Variants in PLCE1 observed in about 807,000 individuals in gnomAD.
PLCE1 encodes the protein phospholipase C epsilon 1.
In PLCE1, 119 loss-of-function variants were observed where a neutral mutation model predicts 242.8. The ratio of observed to expected loss-of-function variants is 0.49; its 90% confidence interval spans 0.42 to 0.57. The LOEUF is 0.57. PLCE1 is among the 20% of genes least tolerant of loss of function. The pLI is 0.00. For missense variants in PLCE1, 2,441 were observed against 2,788.8 expected, an observed-to-expected ratio of 0.88 and a Z score of 2.81; for synonymous variants, 945 against 1,017.4, an observed-to-expected ratio of 0.93 and a Z score of 1.35.
rs536818796 is a variant in PLCE1 at position 94,078,604 on chromosome 10, G to A, written c.1206+46352G>A. Among the ~76,000 whole-genome samples the A allele has an allele frequency of 2.0e-5, 3 of 152,080 alleles. No homozygotes were observed. The South Asian group carries it at 6.2e-4, about 32-fold the overall frequency. On this transcript the variant is annotated intron_variant, in intron 2 of 32. Transcript: ENST00000371380. Reference sequence around the variant, plus strand: ...CAGGTTCAAGCAATTCTCTGCCTCAGCCTCCCAAGTAGCTGGGATGACAGG... The same window carrying A: ...CAGGTTCAAGCAATTCTCTGCCTCAACCTCCCAAGTAGCTGGGATGACAGG...
At position 94,171,448 on chromosome 10, in the gene PLCE1, G is replaced by A; in HGVS notation, c.1761G>A (p.Gln587=). 1 of 1,614,192 alleles carries A rather than the reference G, an allele frequency of 6.2e-7. No homozygotes were observed. The highest frequency in any genetic ancestry group is 8.5e-7 in the Non-Finnish European group (1 of 1,180,016). Reference sequence around the variant, plus strand: ...TCTCAGCGTCGATTCTTACCACTCAGAATGGAGAGCACAATGCCCTTGAAG... The same window carrying A: ...TCTCAGCGTCGATTCTTACCACTCAAAATGGAGAGCACAATGCCCTTGAAG... ...ASISASILTT[Q]NGEHNALEDL... is the part of the protein sequence containing the mutation. Residue 587 remains glutamine, a synonymous_variant, in exon 4 of 33, where the codon CAG becomes CAA. Coordinates refer to ENST00000371380, the MANE Select transcript of PLCE1 (RefSeq NM_016341.4).
At chr10:94,273,413 AGG>A (rs1373150908) in intron 18 of PLCE1, 147 bp from the exon 19 acceptor site, 12 of 767,848 alleles carry the variant, frequency 1.6e-5, no homozygotes, top group Middle Eastern at 7.5e-4. Context: ...GGGCAGGAGC[AGG>A]GGACAGCTTC....
intron 4 of PLCE1, among the ~76,000 whole-genome samples, chr10:94,221,580 A>G (rs2049747604): frequency 6.6e-6 from 1 of 152,166 alleles, no homozygotes; most frequent in African/African-American, 2.4e-5. Flanking sequence ...TTCTAAAAAT[A>G]CAAAATTAGC....
intron 2 of PLCE1, among the ~76,000 whole-genome samples, chr10:94,077,834 AT>A (rs1163570799): frequency 6.6e-6 from 1 of 152,204 alleles, no homozygotes; most frequent in Non-Finnish European, 1.5e-5. Flanking sequence ...GCACTTTGAG[AT>A]TTTGTTTCTG....
chr10:94,220,443 A>G (rs947357984), intron 4 of PLCE1, among the ~76,000 whole-genome samples: 13 of 138,812 alleles, frequency 9.4e-5, no homozygotes, highest in Admixed American at 1.5e-4. Flanking sequence ...TAATAGAAAC[A>G]TGCTCTTTTA....
chr10:94,161,000 G>A (rs957717689), intron 3 of PLCE1, among the ~76,000 whole-genome samples: 1 of 152,118 alleles, frequency 6.6e-6, no homozygotes, highest in Admixed American at 6.6e-5. Context: ...TGCTGTTTTG[G>A]TTACTGTAGC....
chr10:94,267,312 G>C (rs1191497225), intron 16 of PLCE1, among the ~76,000 whole-genome samples: 2 of 152,108 alleles, frequency 1.3e-5, no homozygotes, highest in African/African-American at 4.8e-5. Flanking sequence ...TCATTCCTCT[G>C]TTTGACTTCA....
chr10:94,290,816 C>A lies in PLCE1; in HGVS notation c.5036-2692C>A, dbSNP rs2052619757. Among the ~76,000 whole-genome samples the A allele has an allele frequency of 2.0e-5, 3 of 151,942 alleles. No individual in the cohort carries two copies. The South Asian group carries it at 6.2e-4, about 32-fold the overall frequency. ...ACCAGTAACATATTTATTATTATTA[C>A]CAAGTATGTTCTGTACATAATTGTA... On this transcript the variant is annotated intron_variant, in intron 22 of 32. Transcript: ENST00000371380.
chr10:94,312,498 C>A (rs939541325), intron 27 of PLCE1, among the ~76,000 whole-genome samples: 1 of 152,234 alleles, frequency 6.6e-6, no homozygotes, highest in South Asian at 2.1e-4. Context: ...TTGTCTCATT[C>A]TTCATCTGCT....
intron 2 of PLCE1, among the ~76,000 whole-genome samples, chr10:94,075,157 C>G (rs557629878): frequency 6.6e-6 from 1 of 152,154 alleles, no homozygotes; most frequent in African/African-American, 2.4e-5. Context: ...ATTAGTTTCT[C>G]TCTCCTCTCG....
chr10:94,063,068 A>G (rs912051217), intron 2 of PLCE1, among the ~76,000 whole-genome samples: 1 of 151,604 alleles, frequency 6.6e-6, no homozygotes, highest in Non-Finnish European at 1.5e-5. Context: ...ATCCTTTCCC[A>G]CCTGGACTCC....
chr10:94,028,342 T>G (rs1217644786), intron 1 of PLCE1, among the ~76,000 whole-genome samples: 1 of 152,118 alleles, frequency 6.6e-6, no homozygotes, highest in Non-Finnish European at 1.5e-5. Flanking sequence ...CTCACATGGG[T>G]GTTGTCAAGA....
At chr10:94,212,411 T>C (rs1259038167) in intron 4 of PLCE1, among the ~76,000 whole-genome samples, 2 of 152,142 alleles carry the variant, frequency 1.3e-5, no homozygotes, top group Non-Finnish European at 2.9e-5. Context: ...CATCCACCAC[T>C]ACGCCCAGCT....
In PLCE1 at chr10:94,330,264, G is replaced by A. The variant is rs11187874; in HGVS notation, c.*2321G>A. ...TGAGACCAGGTTGTTTAGCAAGTGA[G>A]AGAATCCAGCCTACTGCCTAGGTTG... On this transcript the variant is annotated 3_prime_UTR_variant, in exon 33 of 33. Transcript: ENST00000371380. 6.6e-6 allele frequency: 1 copy of A among 152,386 alleles called. No individual in the cohort carries two copies. The highest frequency in any genetic ancestry group is 2.1e-4 in the South Asian group (1 of 4,834). 9.4% of individuals were successfully genotyped at this position (152,386 alleles called of 1,614,324 possible).
At chr10:94,314,002 AC>A (rs1473656550) in intron 28 of PLCE1, among the ~76,000 whole-genome samples, 1 of 151,940 alleles carries the variant, frequency 6.6e-6, no homozygotes, top group Non-Finnish European at 1.5e-5. Context: ...GAGACCTGTT[AC>A]CCCAAGCCCT....
intron 13 of PLCE1, among the ~76,000 whole-genome samples, chr10:94,259,516 C>A (rs2051221139): frequency 6.6e-6 from 1 of 152,162 alleles, no homozygotes. Flanking sequence ...GATCTCCTGA[C>A]CTCGTGATCT....
chr10:94,279,483 A>C (rs991359162), intron 19 of PLCE1: 1 of 425,324 alleles, frequency 2.4e-6, no homozygotes, highest in Non-Finnish European at 4.3e-6. Context: ...GGTTCTCCAA[A>C]TCACCAAAGC....
chr10:94,258,959 C>T (rs376755709), intron 12 of PLCE1, 37 bp downstream of exon 12: 2 of 1,613,622 alleles, frequency 1.2e-6, no homozygotes, highest in South Asian at 1.1e-5. Context: ...CTTTCTCAGG[C>T]CCCCCCATTT....
At chr10:94,134,384 C>T (rs964370094) in intron 3 of PLCE1, among the ~76,000 whole-genome samples, 1 of 152,150 alleles carries the variant, frequency 6.6e-6, no homozygotes, top group Non-Finnish European at 1.5e-5. Flanking sequence ...CAGGTGTGAG[C>T]CACTGCACAT....
Sources: gnomAD v4.1 joint callset for allele counts (sites outside exome capture counted in the v4.1 genomes callset) on GRCh38, gnomAD v4.1.1 for gene constraint, MANE v1.5 for transcripts, NCBI Gene and HGNC (gene_info 2026-07-23, HGNC 2026-07-21) for gene names.